SHISA9: variants seen among roughly 807,000 people sequenced by gnomAD.
SHISA9 encodes shisa family member 9, also known as protein shisa-9.
A neutral mutation model predicts 38.0 loss-of-function variants in SHISA9; 13 were observed. That is an observed-to-expected ratio of 0.34 (90% CI 0.22 to 0.54). The LOEUF (loss-of-function observed/expected upper bound fraction) is 0.54, where lower values mean the gene tolerates loss of function less well. Among genes scored for constraint, SHISA9 ranks in the 20% least tolerant of loss-of-function variants. SHISA9 has a pLI of 0.91. For synonymous variants in SHISA9, 275 were observed against 242.0 expected (o/e 1.14, Z -1.27); for missense variants, 538 against 575.8 (o/e 0.93, Z 0.67).
intron 2 of SHISA9, among the ~76,000 whole-genome samples, chr16:13,150,241 T>C (rs1318033720): frequency 6.6e-6 from 1 of 152,072 alleles, no homozygotes; most frequent in Non-Finnish European, 1.5e-5. Context: ...TCATGCTGTC[T>C]CATCTGCATG....
chr16:13,525,016 A>G, the SHISA9 span, among the ~76,000 whole-genome samples: 1 of 152,200 alleles, frequency 6.6e-6, no homozygotes, highest in African/African-American at 2.4e-5. Flanking sequence ...CACCAGTGAG[A>G]ACCACAATAT....
At chr16:13,354,723 T>A in the SHISA9 span, among the ~76,000 whole-genome samples, 1 of 151,898 alleles carries the variant, frequency 6.6e-6, no homozygotes, top group African/African-American at 2.4e-5. Context: ...CTACAGGGTG[T>A]GGTCCTGGCT....
chr16:13,094,409 A>G (rs1368343087), intron 2 of SHISA9, among the ~76,000 whole-genome samples: 3 of 152,278 alleles, frequency 2.0e-5, no homozygotes, highest in South Asian at 2.1e-4. Context: ...AAATTACCGA[A>G]TTTGCATTTA....
intron 2 of SHISA9, among the ~76,000 whole-genome samples, chr16:13,019,445 CT>C (rs1050254218): frequency 1.3e-5 from 2 of 151,956 alleles, no homozygotes; most frequent in Non-Finnish European, 2.9e-5. Flanking sequence ...AGTGGGAGAG[CT>C]CTCTGGCGTC....
chr16:13,521,584 AG>A, the SHISA9 span, among the ~76,000 whole-genome samples: 1 of 152,236 alleles, frequency 6.6e-6, no homozygotes, highest in Non-Finnish European at 1.5e-5. Context: ...AAGAAACCCC[AG>A]GGGTTCTGGC....
intron 2 of SHISA9, among the ~76,000 whole-genome samples, chr16:13,027,473 C>T (rs182958614): frequency 5.9e-5 from 9 of 152,244 alleles, no homozygotes; most frequent in Middle Eastern, 3.4e-3. Flanking sequence ...AAATTATGTC[C>T]ACACAAAGAA....
intron 3 of SHISA9, among the ~76,000 whole-genome samples, chr16:13,206,203 C>G (rs2051062249): frequency 6.6e-6 from 1 of 152,122 alleles, no homozygotes; most frequent in South Asian, 2.1e-4. Context: ...GTCTTCTACT[C>G]TTTAGTTATT....
chr16:13,348,750 C>A, the SHISA9 span, among the ~76,000 whole-genome samples: 5 of 151,962 alleles, frequency 3.3e-5, no homozygotes, highest in Non-Finnish European at 5.9e-5. Context: ...TCCTGTAGGA[C>A]AATCATGGAG....
intron 2 of SHISA9, among the ~76,000 whole-genome samples, chr16:13,122,391 C>G (rs1345939431): frequency 1.3e-5 from 2 of 152,188 alleles, no homozygotes; most frequent in Non-Finnish European, 2.9e-5. Flanking sequence ...ACAATCTCAT[C>G]CTTCCTAAAT....
chr16:13,510,274 CA>C, the SHISA9 span, among the ~76,000 whole-genome samples: 6 of 152,208 alleles, frequency 3.9e-5, no homozygotes, highest in African/African-American at 1.4e-4. Flanking sequence ...TGCCACTATA[CA>C]CCAGCCTGGG....
At chr16:13,022,332 A>C (rs2072866604) in intron 2 of SHISA9, among the ~76,000 whole-genome samples, 1 of 143,830 alleles carries the variant, frequency 7.0e-6, no homozygotes. Flanking sequence ...TTACATTAAA[A>C]AAATTTTTTT....
At chr16:13,012,504 G>C (rs1013146644) in intron 2 of SHISA9, among the ~76,000 whole-genome samples, 8 of 152,140 alleles carry the variant, frequency 5.3e-5, no homozygotes, top group Non-Finnish European at 1.0e-4. Flanking sequence ...GAGAGTGCGG[G>C]GGATGAGACC....
chr16:13,086,125 A>C (rs1443524804), intron 2 of SHISA9, among the ~76,000 whole-genome samples: 2 of 152,114 alleles, frequency 1.3e-5, no homozygotes, highest in African/African-American at 4.8e-5. Flanking sequence ...TGGGAGGCCG[A>C]GGCGGGCAGA....
the SHISA9 span, among the ~76,000 whole-genome samples, chr16:13,544,282 C>G: frequency 6.7e-6 from 1 of 148,390 alleles, no homozygotes. Flanking sequence ...ATCTATATAT[C>G]TTATAGATAA....
intron 2 of SHISA9, among the ~76,000 whole-genome samples, chr16:13,143,348 C>G (rs577886236): frequency 6.6e-6 from 1 of 152,096 alleles, no homozygotes; most frequent in Non-Finnish European, 1.5e-5. Context: ...TTCATGAAAG[C>G]TTTTAGCCTA....
intron 2 of SHISA9, among the ~76,000 whole-genome samples, chr16:13,196,115 A>G (rs1361977744): frequency 8.2e-6 from 1 of 121,622 alleles, no homozygotes; most frequent in Non-Finnish European, 1.7e-5. Context: ...AAAAAAAAAA[A>G]GGCCAGGTGT....
intron 2 of SHISA9, among the ~76,000 whole-genome samples, chr16:13,095,318 G>A (rs772026215): frequency 3.3e-5 from 5 of 152,246 alleles, no homozygotes; most frequent in Non-Finnish European, 7.3e-5. Context: ...ATGCTGGGGA[G>A]TGGTCAGCTT....
chr16:13,495,512 G>A, the SHISA9 span, among the ~76,000 whole-genome samples: 1 of 152,042 alleles, frequency 6.6e-6, no homozygotes, highest in Non-Finnish European at 1.5e-5. Flanking sequence ...TATATTGGCA[G>A]TGACTTTTCT....
intron 2 of SHISA9, among the ~76,000 whole-genome samples, chr16:13,023,910 T>G (rs1313781683): frequency 1.3e-5 from 2 of 152,196 alleles, no homozygotes; most frequent in East Asian, 3.8e-4. Context: ...CCACTCCAGA[T>G]GGGGGTAAAA....
Sources: allele counts gnomAD v4.1 joint callset (sites outside exome capture counted in the v4.1 genomes callset), GRCh38; gene constraint gnomAD v4.1.1; transcripts MANE v1.5; gene names NCBI Gene and HGNC (gene_info 2026-07-23, HGNC 2026-07-21).